NUDT3: variants seen among roughly 807,000 people sequenced by gnomAD.
NUDT3 encodes nudix hydrolase 3.
A neutral mutation model predicts 23.6 loss-of-function variants in NUDT3; 9 were observed. The ratio of observed to expected loss-of-function variants is 0.38; its 90% CI spans 0.23 to 0.66. The LOEUF is 0.66. Ranked by LOEUF, NUDT3 falls within the 30% of genes least tolerant of loss-of-function variation. NUDT3 has a pLI of 0.52. For missense variants in NUDT3, 172 were observed against 218.5 expected, an observed-to-expected ratio of 0.79 and a Z score of 1.34; for synonymous variants, 86 against 82.6, an observed-to-expected ratio of 1.04 and a Z score of -0.22.
intron 1 of NUDT3, among the ~76,000 whole-genome samples, chr6:34,376,609 A>G (rs1764927553): frequency 6.6e-6 from 1 of 151,864 alleles, no homozygotes; most frequent in South Asian, 2.1e-4. Flanking sequence ...CTGTTACCAA[A>G]CCTGTCCACC....
rs1763312100 is a variant in NUDT3, at chr6:34,284,531, T to TG, written c.*4221dup. 1 of 141,946 alleles carries TG rather than the reference T, an allele frequency of 7.0e-6. No individual in the cohort carries two copies. Among genetic ancestry groups the TG allele is most frequent in the Non-Finnish European group, 1.5e-5 (1 of 65,844 alleles). 8.8% of individuals were successfully genotyped at this position (141,946 alleles called of 1,614,324 possible). ...AAAGTGAATGTGGCTTAGGCTAAGC[T>TG]GTTTTTTTTTTTTTTTTTTTAAAGA... On this transcript the variant is annotated 3_prime_UTR_variant, in exon 5 of 5. Transcript: ENST00000607016.
At chr6:34,309,760 T>A (rs887922924) in intron 2 of NUDT3, among the ~76,000 whole-genome samples, 1 of 151,910 alleles carries the variant, frequency 6.6e-6, no homozygotes, top group Non-Finnish European at 1.5e-5. Flanking sequence ...AGAGGAGACA[T>A]CATTAAAGAT....
At chr6:34,294,172 G>C (rs1168932615) in intron 3 of NUDT3, among the ~76,000 whole-genome samples, 3 of 152,086 alleles carry the variant, frequency 2.0e-5, no homozygotes, top group Non-Finnish European at 4.4e-5. Flanking sequence ...TTTTAGTAGA[G>C]ACAGGGTTTC....
rs1161491857 is a variant in NUDT3, at chr6:34,280,149, G to C, written c.*8604C>G. On this transcript the variant is annotated 3_prime_UTR_variant, in exon 5 of 5. Coordinates refer to ENST00000607016, the MANE Select transcript of NUDT3 (RefSeq NM_006703.4). ...AAGGAAGCCTGAGGACATCCACCTC[G>C]AGAAAAGGAAACAGGAAAACTATTT... is the stretch of plus-strand genomic sequence containing the variant. 4.6e-5 allele frequency: 7 copies of C among 152,190 alleles called. No homozygotes were observed. In the East Asian group the frequency reaches 1.2e-3, roughly 25 times the overall value. The allele number at this position is 152,190 out of a possible 1,614,324, so 9.4% of individuals were successfully genotyped here. A position where few individuals can be genotyped will look rare whatever the true frequency, so the allele number is the denominator to read the frequency against.
At chr6:34,388,777 A>T (rs946808886) in intron 1 of NUDT3, among the ~76,000 whole-genome samples, 3 of 152,144 alleles carry the variant, frequency 2.0e-5, no homozygotes, top group Admixed American at 1.3e-4. Context: ...TTTCTCATAC[A>T]TGTTTGTTGA....
At chr6:34,366,865 A>C (rs1350358682) in intron 1 of NUDT3, among the ~76,000 whole-genome samples, 7 of 151,826 alleles carry the variant, frequency 4.6e-5, no homozygotes, top group Non-Finnish European at 1.0e-4. Flanking sequence ...AAGTTGTGCA[A>C]ATTTTACATT....
In NUDT3 at chr6:34,317,236, C is replaced by A. The variant is rs78868525; in HGVS notation, c.211-21551G>T. 8.3e-3 allele frequency among the ~76,000 whole-genome samples: 1,265 copies of A among 152,142 alleles called. 11 individuals are homozygous for A. The highest frequency in any genetic ancestry group is 0.024 in the African/African-American group (984 of 41,474). ...CTTATACATACTGAGTTTCAGATGG[C>A]TACTGAACATTCAAATGGAAATACC... On this transcript the variant is annotated intron_variant, in intron 2 of 4. Coordinates refer to ENST00000607016, the MANE Select transcript of NUDT3 (RefSeq NM_006703.4).
chr6:34,373,562 G>C (rs1764871947), intron 1 of NUDT3, among the ~76,000 whole-genome samples: 1 of 152,028 alleles, frequency 6.6e-6, no homozygotes, highest in South Asian at 2.1e-4. Flanking sequence ...TTCCAAATTT[G>C]CTATGGTGAA....
rs1763307009 is a variant in NUDT3 at position 34,283,885 on chromosome 6, G to C, written c.*4868C>G. The stretch of plus-strand genomic sequence containing the variant: ...GTTTCATTTTTAGGTGATATCCCAA[G>C]TGACACAGAAACACAGCTCCTCCGG... On this transcript the variant is annotated 3_prime_UTR_variant, in exon 5 of 5. Transcript: ENST00000607016. 1 of 152,122 alleles carries C rather than the reference G, an allele frequency of 6.6e-6. No homozygotes were observed. The highest frequency in any genetic ancestry group is 1.5e-5 in the Non-Finnish European group (1 of 68,022). 9.4% of individuals were successfully genotyped at this position (152,122 alleles called of 1,614,324 possible).
At chr6:34,355,923 TC>T (rs1489631952) in intron 1 of NUDT3, among the ~76,000 whole-genome samples, 3 of 152,028 alleles carry the variant, frequency 2.0e-5, no homozygotes, top group Non-Finnish European at 4.4e-5. Flanking sequence ...CCCCCATACC[TC>T]CCCTATGCAT....
chr6:34,375,595 T>C (rs1041555273), intron 1 of NUDT3, among the ~76,000 whole-genome samples: 7 of 152,172 alleles, frequency 4.6e-5, no homozygotes, highest in African/African-American at 1.2e-4. Flanking sequence ...AGTATATTGA[T>C]TGGAAGAGTA....
Position 34,332,179 on chromosome 6 carries a change from A to G in NUDT3, c.210+9683T>C, listed in dbSNP as rs193247162. ...CTCTCCCAAAACTTAACTACTAATA[A>G]TCTACTACTGACCAGCAGCCTTACC... On this transcript the variant is annotated intron_variant, in intron 2 of 4. Transcript: ENST00000607016. Among the ~76,000 whole-genome samples, 412 of 152,242 alleles carry G rather than the reference A, an allele frequency of 2.7e-3. 2 individuals carry two copies. Among genetic ancestry groups the G allele is most frequent in the Non-Finnish European group, 3.9e-3 (266 of 68,024 alleles).
intron 1 of NUDT3, among the ~76,000 whole-genome samples, chr6:34,363,538 A>C (rs529921792): frequency 2.0e-5 from 3 of 152,330 alleles, no homozygotes; most frequent in African/African-American, 7.2e-5. Flanking sequence ...CAGTTGTGAG[A>C]GATTAGAGAG....
At chr6:34,327,298 A>C (rs1444112875) in intron 2 of NUDT3, among the ~76,000 whole-genome samples, 1 of 152,040 alleles carries the variant, frequency 6.6e-6, no homozygotes, top group Non-Finnish European at 1.5e-5. Flanking sequence ...TGGGAGGCCG[A>C]GGCGGGTGGA....
intron 1 of NUDT3, among the ~76,000 whole-genome samples, chr6:34,363,195 T>A (rs9469774): frequency 6.6e-6 from 1 of 152,074 alleles, no homozygotes; most frequent in Admixed American, 6.5e-5. Flanking sequence ...AACTGAGAGG[T>A]TGCATAATAT....
intron 2 of NUDT3, among the ~76,000 whole-genome samples, chr6:34,330,661 G>A (rs1253005190): frequency 2.0e-5 from 3 of 151,948 alleles, no homozygotes; most frequent in Non-Finnish European, 4.4e-5. Context: ...GCTGGGTGTG[G>A]TGGTGCATGC....
chr6:34,304,251 C>CAAAA (rs60576919), intron 2 of NUDT3, among the ~76,000 whole-genome samples: 5 of 81,190 alleles, frequency 6.2e-5, no homozygotes, highest in Non-Finnish European at 5.2e-5. Flanking sequence ...AACTCTGTCT[C>CAAAA]AAAAAAAAAA....
At chr6:34,371,476 G>T (rs144775213) in intron 1 of NUDT3, among the ~76,000 whole-genome samples, 152 of 151,622 alleles carry the variant, frequency 1.0e-3, no homozygotes, top group South Asian at 5.4e-3. Flanking sequence ...AAAAAAAAAA[G>T]AAAAAATGCT....
At chr6:34,361,891 G>T (rs1764656322) in intron 1 of NUDT3, among the ~76,000 whole-genome samples, 1 of 152,186 alleles carries the variant, frequency 6.6e-6, no homozygotes, top group South Asian at 2.1e-4. Flanking sequence ...AAAGAACAGA[G>T]AATTTTTAGG....
Sources: gnomAD v4.1 joint callset for allele counts (sites outside exome capture counted in the v4.1 genomes callset) on GRCh38, gnomAD v4.1.1 for gene constraint, MANE v1.5 for transcripts, NCBI Gene and HGNC (gene_info 2026-07-23, HGNC 2026-07-21) for gene names.